GABRB1: variants seen among roughly 807,000 people sequenced by gnomAD.
The protein encoded by GABRB1 is gamma-aminobutyric acid receptor subunit beta-1.
In GABRB1, 17 loss-of-function variants were observed where a neutral mutation model predicts 51.6. That is an observed-to-expected ratio of 0.33 (90% CI 0.23 to 0.49). GABRB1 has a LOEUF of 0.49. Ranked by LOEUF, GABRB1 falls within the 20% of genes least tolerant of loss-of-function variation. The pLI, the probability that GABRB1 is intolerant of heterozygous loss-of-function variation, is 0.99. For synonymous variants in GABRB1, 247 were observed against 218.9 expected, an observed-to-expected ratio of 1.13 and a Z score of -1.14; for missense variants, 410 against 600.6, an observed-to-expected ratio of 0.68 and a Z score of 3.32.
rs36209473 is a variant in GABRB1, at chr4:47,150,182, A to AACAC, written c.241-11036_241-11033dup. Among the ~76,000 whole-genome samples the AACAC allele has an allele frequency of 6.6e-4, 94 of 141,614 alleles. 1 individual carries two copies. The highest frequency in any genetic ancestry group is 9.8e-4 in the Admixed American group (14 of 14,300). The allele number at this position is 141,614 out of a possible 152,430, so 92.9% of individuals were successfully genotyped here. ...CCTATGCTTATACACACACACACAC[A>AACAC]ACACACACACACACACACACACACA... On this transcript the variant is annotated intron_variant, in intron 3 of 8. Transcript: ENST00000295454.
At chr4:47,219,337 G>T (rs1451570982) in intron 4 of GABRB1, among the ~76,000 whole-genome samples, 1 of 151,856 alleles carries the variant, frequency 6.6e-6, no homozygotes, top group African/African-American at 2.4e-5. Context: ...AGATGTGAGA[G>T]TCTGACACTG....
chr4:47,413,556 G>T (rs115584417), intron 8 of GABRB1, among the ~76,000 whole-genome samples: 1,660 of 152,208 alleles, frequency 0.011, 37 homozygotes, highest in African/African-American at 0.038. Context: ...TAAATATAAT[G>T]GTTGGATGAT....
intron 8 of GABRB1, among the ~76,000 whole-genome samples, chr4:47,421,971 AT>A (rs971972807): frequency 6.6e-6 from 1 of 152,092 alleles, no homozygotes; most frequent in African/African-American, 2.4e-5. Flanking sequence ...GAATTCAAGC[AT>A]TTTGGTCCTC....
chr4:47,378,394 C>T (rs539166732), intron 5 of GABRB1, among the ~76,000 whole-genome samples: 4 of 152,298 alleles, frequency 2.6e-5, no homozygotes, highest in African/African-American at 4.8e-5. Flanking sequence ...CGTGCTGGCC[C>T]GCAAGCACCG....
intron 8 of GABRB1, among the ~76,000 whole-genome samples, chr4:47,424,250 C>T (rs1729188954): frequency 6.6e-6 from 1 of 152,202 alleles, no homozygotes; most frequent in African/African-American, 2.4e-5. Flanking sequence ...GAATCAGATA[C>T]ACATGGGTTC....
At chr4:47,299,780 C>T (rs1420527609) in intron 4 of GABRB1, among the ~76,000 whole-genome samples, 1 of 151,786 alleles carries the variant, frequency 6.6e-6, no homozygotes, top group African/African-American at 2.4e-5. Context: ...GTTATAAAGA[C>T]ACATGCACAC....
chr4:47,196,566 G>A (rs764539391), intron 4 of GABRB1, among the ~76,000 whole-genome samples: 8 of 152,166 alleles, frequency 5.3e-5, no homozygotes, highest in African/African-American at 9.7e-5. Context: ...AACAAGCATA[G>A]GAACTCTTCG....
chr4:47,370,211 G>A (rs1000589289), intron 5 of GABRB1, among the ~76,000 whole-genome samples: 5 of 152,154 alleles, frequency 3.3e-5, no homozygotes, highest in African/African-American at 1.2e-4. Flanking sequence ...TTTAGTTTAA[G>A]AAAAGTCTGG....
intron 5 of GABRB1, among the ~76,000 whole-genome samples, chr4:47,381,644 G>A (rs1727602233): frequency 6.6e-6 from 1 of 152,218 alleles, no homozygotes; most frequent in African/African-American, 2.4e-5. Flanking sequence ...GAACTTGGAA[G>A]AGGCTGTCTA....
chr4:47,123,534 C>T lies in GABRB1; in HGVS notation c.241-37715C>T, dbSNP rs796441881. ...TATATTATAATATATTACATTATTT[C>T]ATATATTATAATATATTATATATTA... On this transcript the variant is annotated intron_variant, in intron 3 of 8. Transcript: ENST00000295454. 8.9e-4 allele frequency among the ~76,000 whole-genome samples: 71 copies of T among 79,352 alleles called. 5 individuals carry two copies. The East Asian group carries it at 0.011, about 12-fold the overall frequency. The allele number at this position is 79,352 out of a possible 152,430, so 52.1% of individuals were successfully genotyped here.
At chr4:47,204,168 C>T (rs1474377640) in intron 4 of GABRB1, among the ~76,000 whole-genome samples, 2 of 152,094 alleles carry the variant, frequency 1.3e-5, no homozygotes, top group African/African-American at 4.8e-5. Flanking sequence ...TTACATGATT[C>T]GTGTTCTATC....
In GABRB1 at chr4:47,129,966, A is replaced by T. The variant is rs533349589; in HGVS notation, c.241-31283A>T. ...TGCCTTTACTTTTCAAGTGTAAAAC[A>T]TTGTGTTTTATTTTTAAAACATTCA... is the stretch of plus-strand genomic sequence containing the variant. On this transcript the variant is annotated intron_variant, in intron 3 of 8. Transcript: ENST00000295454. Among the ~76,000 whole-genome samples, 3 of 152,202 alleles carry T rather than the reference A, an allele frequency of 2.0e-5. No individual in the cohort carries two copies. The South Asian group carries it at 6.2e-4, about 31-fold the overall frequency.
intron 4 of GABRB1, among the ~76,000 whole-genome samples, chr4:47,237,771 T>C (rs1347295389): frequency 6.6e-6 from 1 of 152,004 alleles, no homozygotes; most frequent in Non-Finnish European, 1.5e-5. Flanking sequence ...GACTTGCTTA[T>C]TAATTTTACA....
rs374791356 is a variant in GABRB1, at chr4:47,231,798, G to A, written c.461+70329G>A. Among the ~76,000 whole-genome samples, 3 of 152,294 alleles carry A rather than the reference G, an allele frequency of 2.0e-5. No individual in the cohort carries two copies. In the East Asian group the frequency reaches 5.8e-4, roughly 29 times the overall value. On this transcript the variant is annotated intron_variant, in intron 4 of 8. Transcript: ENST00000295454. ...ATTTATTTCCCGACACAGGCGTGGT[G>A]AGGAAAATTACAATTACTTAAAATA...
intron 4 of GABRB1, among the ~76,000 whole-genome samples, chr4:47,248,699 G>C (rs1292000092): frequency 6.6e-6 from 1 of 151,912 alleles, no homozygotes; most frequent in Non-Finnish European, 1.5e-5. Context: ...TTATTGGTCT[G>C]TTCAGGGTGT....
chr4:47,302,710 C>T (rs891230841), intron 4 of GABRB1, among the ~76,000 whole-genome samples: 2 of 151,952 alleles, frequency 1.3e-5, no homozygotes, highest in African/African-American at 4.8e-5. Context: ...TAAAATGTAG[C>T]TCTAATTTAC....
At chr4:47,217,686 A>G (rs1720607786) in intron 4 of GABRB1, among the ~76,000 whole-genome samples, 1 of 150,764 alleles carries the variant, frequency 6.6e-6, no homozygotes, top group Admixed American at 6.6e-5. Flanking sequence ...AATGTTTTTT[A>G]TTTTTTCTTT....
chr4:47,335,248 A>G (rs1418421130), intron 5 of GABRB1, among the ~76,000 whole-genome samples: 3 of 151,566 alleles, frequency 2.0e-5, no homozygotes, highest in Non-Finnish European at 4.4e-5. Flanking sequence ...ACCTGCATTC[A>G]CTCAGTATCC....
intron 5 of GABRB1, among the ~76,000 whole-genome samples, chr4:47,399,582 T>TAA (rs1728308689): frequency 1.3e-5 from 2 of 152,214 alleles, no homozygotes; most frequent in Non-Finnish European, 2.9e-5. Context: ...CTTTCTAAGG[T>TAA]GGAGTCCCTT....
Sources: allele counts gnomAD v4.1 joint callset (sites outside exome capture counted in the v4.1 genomes callset), GRCh38; gene constraint gnomAD v4.1.1; transcripts MANE v1.5; gene names NCBI Gene and HGNC (gene_info 2026-07-23, HGNC 2026-07-21).